CPZ: variants seen among roughly 807,000 people sequenced by gnomAD.
CPZ encodes the protein carboxypeptidase Z, also known as VEZT/CPZ fusion.
Under a neutral mutation model 61.8 loss-of-function variants are expected in CPZ, and 103 were observed. The observed-to-expected ratio is 1.67, with a 90% confidence interval of 1.42 to 1.96. CPZ has a LOEUF of 1.96. Ranked by LOEUF, CPZ falls within the 30% of genes most tolerant of loss-of-function variation. The pLI is 0.00. For missense variants in CPZ, 1,461 were observed against 914.9 expected, an observed-to-expected ratio of 1.60 and a Z score of -7.70; for synonymous variants, 551 against 373.7, an observed-to-expected ratio of 1.47 and a Z score of -5.47.
rs1714985274 is a variant in CPZ, at chr4:8,606,166, A to G, written c.887A>G (p.Tyr296Cys). Residue 296 changes from tyrosine to cysteine, a missense_variant, in exon 5 of 11, where the codon TAT (tyrosine) becomes TGT (cysteine). Transcript: ENST00000360986. ...HLLPSMNPDG[Y>C]EVAAAEGAGY... is the part of the protein sequence containing the mutation. ...CTGCCCTCCATGAACCCTGACGGCT[A>G]TGAGGTGGCAGCTGCCGAGGTGAGC... 5 of 1,613,916 alleles carry G rather than the reference A, an allele frequency of 3.1e-6. No homozygotes were observed. Among genetic ancestry groups the G allele is most frequent in the South Asian group, 1.1e-5 (1 of 91,078 alleles).
chr4:8,601,335 G>T lies in CPZ; in HGVS notation c.334G>T (p.Gly112Cys). The stretch of plus-strand genomic sequence containing the variant: ...TGTGCTGGCCCCCCGGTGTGAGGGC[G>T]GCTGGGTGCGCAGACCCTGCCGGCA... ...CAVLAPRCEG[G>C]WVRRPCRHIC... The change falls in exon 3 of 11, where the codon GGC becomes TGC. Residue 112 changes from glycine (G) to cysteine (C), a missense_variant. Physicochemically the swap from Gly to Cys is radical, Grantham distance 159. Coordinates refer to ENST00000360986, the MANE Select transcript of CPZ (RefSeq NM_001014447.3). 6.2e-7 allele frequency: 1 copy of T among 1,607,362 alleles called. No homozygotes were observed. Among genetic ancestry groups the T allele is most frequent in the Non-Finnish European group, 8.5e-7 (1 of 1,175,618 alleles).
intron 1 of CPZ, among the ~76,000 whole-genome samples, chr4:8,594,769 C>A (rs1236593530): frequency 2.7e-5 from 3 of 111,880 alleles, no homozygotes; most frequent in African/African-American, 3.5e-5. Flanking sequence ...ATTTTAATAA[C>A]AAATTCTTTT....
intron 4 of CPZ, among the ~76,000 whole-genome samples, chr4:8,604,428 A>G (rs1714794222): frequency 6.6e-6 from 1 of 152,268 alleles, no homozygotes; most frequent in African/African-American, 2.4e-5. Context: ...AGGTTATTTC[A>G]TAATAATGGA....
chr4:8,619,711 AC>A lies in CPZ; in HGVS notation c.*95del. 1 of 926,932 alleles carries A rather than the reference AC, an allele frequency of 1.1e-6. No individual in the cohort carries two copies. The highest frequency in any genetic ancestry group is 2.1e-5 in the South Asian group (1 of 47,312). The allele number at this position is 926,932 out of a possible 1,614,324, so 57.4% of individuals were successfully genotyped here. ...TGATTTTGTCTGCCACAGACATCCC[AC>A]AAAGCCGCTGCCATTTTATTAAAGT... On this transcript the variant is annotated 3_prime_UTR_variant, in exon 11 of 11. Coordinates refer to ENST00000360986, the MANE Select transcript of CPZ (RefSeq NM_001014447.3).
rs574152804 is a variant in CPZ, at chr4:8,619,272, T to G, written c.1614T>G (p.Gly538=). The change falls in exon 11 of 11, where the codon GGT becomes GGG. Residue 538 remains glycine (G), a synonymous_variant. Coordinates refer to ENST00000360986, the MANE Select transcript of CPZ (RefSeq NM_001014447.3). ...TCTATTTGTCCACAGCCCCAGATGG[T>G]GACTACTGGAGACTGCTGCCCCCAG... ...IRHDITTAPD[G]DYWRLLPPGI... is the part of the protein sequence containing the mutation. 7.5e-6 allele frequency: 12 copies of G among 1,610,540 alleles called. No individual in the cohort carries two copies. In the African/African-American group the frequency reaches 1.5e-4, roughly 20 times the overall value.
intron 7 of CPZ, chr4:8,611,097 C>T (rs907366972): frequency 4.9e-6 from 2 of 409,068 alleles, no homozygotes; most frequent in South Asian, 1.7e-5. Flanking sequence ...TTCACTCACT[C>T]ACTCACTCAC....
rs1484712475 is a variant in CPZ, at chr4:8,603,986, G to A, written c.507G>A (p.Glu169=). Residue 169 remains glutamate, a synonymous_variant, in exon 4 of 11, where the codon GAG becomes GAA. Coordinates refer to ENST00000360986, the MANE Select transcript of CPZ (RefSeq NM_001014447.3). ...DPLEKLRGGL[E]ADEALPSGLP... ...CCACTGCTCCCCCAGGAGGCCTGGA[G>A]GCTGACGAGGCACTGCCCTCAGGGC... 6.2e-7 allele frequency: 1 copy of A among 1,611,942 alleles called. No individual in the cohort carries two copies. Among genetic ancestry groups the A allele is most frequent in the African/African-American group, 1.3e-5 (1 of 74,942 alleles).
At chr4:8,599,603 C>T (rs775541199) in intron 2 of CPZ, 118 bp downstream of exon 2, 1 of 1,519,158 alleles carries the variant, frequency 6.6e-7, no homozygotes. Context: ...GATAACACAG[C>T]CCATTAATCA....
intron 3 of CPZ, 159 bp downstream of exon 3, chr4:8,601,656 C>CA (rs1372973794): frequency 2.5e-6 from 2 of 801,212 alleles, no homozygotes; most frequent in East Asian, 6.0e-5. Flanking sequence ...ATGTTCCCCA[C>CA]AAAAGGGTGC....
rs1297809310 is a variant in CPZ at position 8,609,220 on chromosome 4, T to TCAC, written c.1227+1795_1227+1796insCAC. 8.4e-5 allele frequency among the ~76,000 whole-genome samples: 4 copies of TCAC among 47,540 alleles called. 1 individual carries two copies. Among genetic ancestry groups the TCAC allele is most frequent in the East Asian group, 1.7e-3 (1 of 588 alleles). 31.2% of individuals were successfully genotyped at this position (47,540 alleles called of 152,430 possible). A position where few individuals can be genotyped will look rare whatever the true frequency, so the allele number is the denominator to read the frequency against. Reference sequence around the variant, plus strand: ...CTCCCTCACTCACTTACTCATTCACTTACTCACTCATTGTCACTCATTCAC... The same window carrying TCAC: ...CTCCCTCACTCACTTACTCATTCACTCACTACTCACTCATTGTCACTCATTCAC... On this transcript the variant is annotated intron_variant, in intron 7 of 10. Transcript: ENST00000360986.
chr4:8,593,787 C>T (rs560822391), intron 1 of CPZ, among the ~76,000 whole-genome samples: 4 of 152,170 alleles, frequency 2.6e-5, no homozygotes, highest in Non-Finnish European at 4.4e-5. Context: ...CACCCCAGTG[C>T]GCTGTGTCGA....
At chr4:8,617,653 G>A (rs1289638942) in intron 9 of CPZ, among the ~76,000 whole-genome samples, 1 of 152,190 alleles carries the variant, frequency 6.6e-6, no homozygotes, top group Non-Finnish European at 1.5e-5. Flanking sequence ...TGTTGCTGCT[G>A]AGCCCCGTGC....
At chr4:8,608,507 C>G (rs1715245743) in intron 7 of CPZ, among the ~76,000 whole-genome samples, 1 of 152,162 alleles carries the variant, frequency 6.6e-6, no homozygotes, top group African/African-American at 2.4e-5. Context: ...TGGGCCCCTC[C>G]CTGTCCTGGG....
chr4:8,601,074 G>T (rs774760742), intron 2 of CPZ, 49 bp from the exon 3 acceptor site: 11 of 1,520,362 alleles, frequency 7.2e-6, no homozygotes, highest in Non-Finnish European at 9.7e-6. Context: ...GATGCGTGAC[G>T]GTCAGGGCCA....
chr4:8,601,754 G>T (rs1672328413), intron 3 of CPZ, among the ~76,000 whole-genome samples: 1 of 152,194 alleles, frequency 6.6e-6, no homozygotes, highest in Non-Finnish European at 1.5e-5. Context: ...TTAGAGGCAG[G>T]CTGGGGTGGA....
At chr4:8,615,863 G>A (rs1470714426) in intron 9 of CPZ, among the ~76,000 whole-genome samples, 2 of 152,238 alleles carry the variant, frequency 1.3e-5, no homozygotes, top group Admixed American at 1.3e-4. Context: ...CGCTGAGATA[G>A]GAAAGAAACA....
At chr4:8,611,091 C>G in intron 7 of CPZ, 1 of 361,922 alleles carries the variant, frequency 2.8e-6, no homozygotes, top group South Asian at 2.0e-5. Context: ...CGCTCATTCA[C>G]TCACTCACTC....
At chr4:8,611,859 CTG>C (rs1483994177) in intron 7 of CPZ, among the ~76,000 whole-genome samples, 166 bp from the exon 8 acceptor site, 1 of 152,138 alleles carries the variant, frequency 6.6e-6, no homozygotes, top group Non-Finnish European at 1.5e-5. Context: ...TTCACATACA[CTG>C]TGTCCTCTGC....
chr4:8,604,304 C>T, intron 4 of CPZ, 116 bp downstream of exon 4: 1 of 977,846 alleles, frequency 1.0e-6, no homozygotes, highest in Non-Finnish European at 1.5e-6. Flanking sequence ...AGCTGGGGGC[C>T]TCAGGGAGCT....
Sources: gnomAD v4.1 joint callset for allele counts (sites outside exome capture counted in the v4.1 genomes callset) on GRCh38, gnomAD v4.1.1 for gene constraint, MANE v1.5 for transcripts, NCBI Gene and HGNC (gene_info 2026-07-23, HGNC 2026-07-21) for gene names.